TCF4: variants seen among roughly 807,000 people sequenced by gnomAD.
TCF4 encodes transcription factor 4.
TCF4 carries 3 observed loss-of-function variants against 82.1 expected under a neutral mutation model. That is an observed-to-expected ratio of 0.04 (90% CI 0.02 to 0.09). The LOEUF is 0.09. Among genes scored for constraint, TCF4 ranks in the 10% least tolerant of loss-of-function variants. The pLI is 1.00. For missense variants in TCF4, 518 were observed against 852.7 expected (o/e 0.61, Z 4.89); for synonymous variants, 276 against 309.6 (o/e 0.89, Z 1.14).
At chr18:55,236,106 C>G (rs949145731) in intron 15 of TCF4, among the ~76,000 whole-genome samples, 1 of 151,028 alleles carries the variant, frequency 6.6e-6, no homozygotes, top group Admixed American at 6.6e-5. Flanking sequence ...TGCACTCCAA[C>G]TTTTTTTTAA....
At chr18:55,340,384 G>C (rs1470888727) in intron 8 of TCF4, among the ~76,000 whole-genome samples, 2 of 151,848 alleles carry the variant, frequency 1.3e-5, no homozygotes. Flanking sequence ...GGTTTGCAGA[G>C]CCTGGGAAAC....
At chr18:55,572,478 G>C (rs2097482764) in intron 3 of TCF4, among the ~76,000 whole-genome samples, 1 of 152,104 alleles carries the variant, frequency 6.6e-6, no homozygotes, top group Non-Finnish European at 1.5e-5. Flanking sequence ...TGGAATGTTA[G>C]CCAGGATTTG....
chr18:55,330,814 G>A (rs550739753), intron 8 of TCF4, among the ~76,000 whole-genome samples: 28 of 152,206 alleles, frequency 1.8e-4, no homozygotes, highest in African/African-American at 5.5e-4. Flanking sequence ...TGATCCGCCC[G>A]CCCCGGCCTC....
chr18:55,467,010 T>C (rs1332590944), intron 3 of TCF4, among the ~76,000 whole-genome samples: 1 of 152,172 alleles, frequency 6.6e-6, no homozygotes, highest in Non-Finnish European at 1.5e-5. Flanking sequence ...CTTTGATTGC[T>C]CTCTGTTGAA....
intron 3 of TCF4, among the ~76,000 whole-genome samples, chr18:55,538,024 G>GCACA (rs201229643): frequency 5.6e-5 from 7 of 125,708 alleles, no homozygotes; most frequent in African/African-American, 2.2e-4. Context: ...GTCTGCGCGC[G>GCACA]CGCACACACA....
chr18:55,315,250 G>C (rs2073824974), intron 8 of TCF4, among the ~76,000 whole-genome samples: 2 of 152,122 alleles, frequency 1.3e-5, no homozygotes, highest in South Asian at 4.1e-4. Flanking sequence ...GGAGAACGGA[G>C]TTTAAAGTAG....
At chr18:55,382,429 G>A (rs917422900) in intron 6 of TCF4, among the ~76,000 whole-genome samples, 2 of 151,902 alleles carry the variant, frequency 1.3e-5, no homozygotes, top group Non-Finnish European at 1.5e-5. Context: ...TTCCTACCAA[G>A]AGAGGAAAAA....
intron 6 of TCF4, chr18:55,400,939 C>T (rs760069188): frequency 8.5e-5 from 110 of 1,286,694 alleles, no homozygotes; most frequent in Non-Finnish European, 1.1e-4. Flanking sequence ...GTTTCCTATT[C>T]CGTATCTCAA....
At chr18:55,392,814 CAT>C (rs1304885206) in intron 6 of TCF4, among the ~76,000 whole-genome samples, 54 of 152,200 alleles carry the variant, frequency 3.5e-4, no homozygotes, top group Admixed American at 1.3e-3. Context: ...GATATATACA[CAT>C]ATATGTTTCC....
chr18:55,465,606 G>T (rs566861556), intron 3 of TCF4, among the ~76,000 whole-genome samples: 6 of 152,048 alleles, frequency 3.9e-5, no homozygotes, highest in Non-Finnish European at 8.8e-5. Context: ...CCCCAGATCT[G>T]CTGTTTAACA....
intron 8 of TCF4, among the ~76,000 whole-genome samples, chr18:55,343,013 T>G (rs894631214): frequency 6.6e-6 from 1 of 152,144 alleles, no homozygotes; most frequent in African/African-American, 2.4e-5. Flanking sequence ...GGGAGGAGGC[T>G]CCTGTAGACA....
chr18:55,593,884 GCTAA>G (rs1416780553), intron 2 of TCF4, among the ~76,000 whole-genome samples: 2 of 152,186 alleles, frequency 1.3e-5, no homozygotes, highest in Non-Finnish European at 2.9e-5. Context: ...TGATTGAATG[GCTAA>G]CTCACAGTAA....
intron 8 of TCF4, among the ~76,000 whole-genome samples, chr18:55,323,697 A>G (rs780355039): frequency 6.6e-6 from 1 of 152,240 alleles, no homozygotes; most frequent in African/African-American, 2.4e-5. Context: ...TGCTTAATAC[A>G]CAAGGCCAGG....
At chr18:55,413,267 T>C (rs1178025449) in intron 5 of TCF4, among the ~76,000 whole-genome samples, 1 of 152,096 alleles carries the variant, frequency 6.6e-6, no homozygotes, top group East Asian at 1.9e-4. Flanking sequence ...ATATATTAAA[T>C]GATCATTTCT....
At chr18:55,290,749 GAAGA>G (rs1300180022) in intron 8 of TCF4, among the ~76,000 whole-genome samples, 1 of 152,018 alleles carries the variant, frequency 6.6e-6, no homozygotes, top group Non-Finnish European at 1.5e-5. Context: ...GAGCGATCAG[GAAGA>G]AAGTTGCATC....
chr18:55,322,348 C>G, intron 8 of TCF4: 1 of 1,001,032 alleles, frequency 1.0e-6, no homozygotes, highest in Non-Finnish European at 1.2e-6. Flanking sequence ...TCTGTCTCTG[C>G]TGCTGGCTAG....
chr18:55,562,992 C>T (rs1219687542), intron 3 of TCF4, among the ~76,000 whole-genome samples: 1 of 152,056 alleles, frequency 6.6e-6, no homozygotes, highest in Non-Finnish European at 1.5e-5. Context: ...GTAATTCCAA[C>T]ACTTTGGGAG....
chr18:55,541,863 A>G (rs779675515), intron 3 of TCF4, among the ~76,000 whole-genome samples: 11 of 151,998 alleles, frequency 7.2e-5, no homozygotes, highest in South Asian at 2.1e-4. Flanking sequence ...TAACACAGTT[A>G]GAAAAATTAT....
chr18:55,517,474 G>A (rs555805626), intron 3 of TCF4, among the ~76,000 whole-genome samples: 76 of 152,170 alleles, frequency 5.0e-4, no homozygotes, highest in African/African-American at 1.6e-3. Context: ...AGTCCAAGCA[G>A]GTAAACTACA....
Sources: gnomAD v4.1 joint callset for allele counts (sites outside exome capture counted in the v4.1 genomes callset) on GRCh38, gnomAD v4.1.1 for gene constraint, MANE v1.5 for transcripts, NCBI Gene and HGNC (gene_info 2026-07-23, HGNC 2026-07-21) for gene names.